Variants in PDHA1 observed in about 807,000 individuals in gnomAD.
The protein encoded by PDHA1 is pyruvate dehydrogenase E1 component subunit alpha, somatic form, mitochondrial.
Under a neutral mutation model 33.0 loss-of-function variants are expected in PDHA1, and 1 was observed. The observed-to-expected ratio is 0.03, with a 90% CI of 0.01 to 0.14. The LOEUF (loss-of-function observed/expected upper bound fraction) is 0.14, where lower values mean the gene tolerates loss of function less well. Ranked by LOEUF, PDHA1 falls within the 10% of genes least tolerant of loss-of-function variation. The probability of loss-of-function intolerance (pLI) is 1.00; values close to 1 mark genes in which losing one functional copy is unlikely to be tolerated. For missense variants in PDHA1, 168 were observed against 325.1 expected (o/e 0.52, Z 3.72); for synonymous variants, 123 against 119.2 (o/e 1.03, Z -0.21).
Position 19,343,966 on chromosome X carries a change from G to C in PDHA1, c.-72G>C. On this transcript the variant is annotated 5_prime_UTR_variant, in exon 1 of 11. Coordinates refer to ENST00000422285, the MANE Select transcript of PDHA1 (RefSeq NM_000284.4). ...GTGGCGTCTGCTGGGGCACCTGAAG[G>C]AGACTTGGGGGCACCCGCGTCGTGC... 1 of 1,002,093 alleles carries C rather than the reference G, an allele frequency of 1.0e-6. No homozygotes were observed. Among genetic ancestry groups the C allele is most frequent in the Non-Finnish European group, 1.4e-6 (1 of 710,911 alleles). 82.6% of individuals were successfully genotyped at this position (1,002,093 alleles called of 1,213,427 possible).
chrX:19,351,998 C>T (rs1280902149), intron 4 of PDHA1, among the ~76,000 whole-genome samples: 1 of 109,452 alleles, frequency 9.1e-6, no homozygotes, highest in Non-Finnish European at 1.9e-5. Flanking sequence ...GGGGTTTCAA[C>T]ATGTTGGCCA....
chrX:19,361,486 A>G lies in PDHA1; in HGVS notation c.*1833A>G. On this transcript the variant is annotated 3_prime_UTR_variant, in exon 11 of 11. Transcript: ENST00000422285. Reference sequence around the variant, plus strand: ...ACAGCATAAGAATTTCTTTGTTGTAAATTTACCTTTTCAATTGTCTTTGCA... The same window carrying G: ...ACAGCATAAGAATTTCTTTGTTGTAGATTTACCTTTTCAATTGTCTTTGCA... The G allele has an allele frequency of 8.3e-7, 1 of 1,206,480 alleles. No homozygotes were observed. The highest frequency in any genetic ancestry group is 1.1e-6 in the Non-Finnish European group (1 of 890,861).
At chrX:19,356,710 C>CCAAA (rs1219111114) in intron 8 of PDHA1, among the ~76,000 whole-genome samples, 2 of 88,517 alleles carry the variant, frequency 2.3e-5, no homozygotes, top group Non-Finnish European at 3.8e-5. Flanking sequence ...TGTGACTTTC[C>CCAAA]CAAACAGATA....
At position 19,361,448 on chromosome X, in the gene PDHA1, C is replaced by T. The variant is rs374494282; in HGVS notation, c.*1795C>T. ...AAAGATCAGATCCTTAAGAGCTGAG[C>T]AGCTGTGTAACAACAGCATAAGAAT... On this transcript the variant is annotated 3_prime_UTR_variant, in exon 11 of 11. Transcript: ENST00000422285. 21 of 1,185,169 alleles carry T rather than the reference C, an allele frequency of 1.8e-5. No individual in the cohort carries two copies. The South Asian group carries it at 2.5e-4, about 14-fold the overall frequency.
chrX:19,360,629 T>C lies in PDHA1; in HGVS notation c.*976T>C. 1 of 529,040 alleles carries C rather than the reference T, an allele frequency of 1.9e-6. No homozygotes were observed. The allele number at this position is 529,040 out of a possible 1,213,427, so 43.6% of individuals were successfully genotyped here. A position where few individuals can be genotyped will look rare whatever the true frequency, so the allele number is the denominator to read the frequency against. On this transcript the variant is annotated 3_prime_UTR_variant, in exon 11 of 11. Coordinates refer to ENST00000422285, the MANE Select transcript of PDHA1 (RefSeq NM_000284.4). ...TATTTAAAACAAGTTCTTAAACTAT[T>C]AATTGAACAATGGCATTTTTAAATA...
intron 9 of PDHA1, 128 bp from the exon 10 acceptor site, chrX:19,358,784 CTTTG>C (rs2063227549): frequency 2.0e-6 from 1 of 510,390 alleles, no homozygotes; most frequent in African/African-American, 2.3e-5. Flanking sequence ...TGGTATGCCC[CTTTG>C]TTTCAGAAAC....
Position 19,360,649 on chromosome X carries a change from T to A in PDHA1, c.*996T>A. ...ACTATTAATTGAACAATGGCATTTT[T>A]AAATATGTAAACACAGCGGAATTCG... On this transcript the variant is annotated 3_prime_UTR_variant, in exon 11 of 11. Transcript: ENST00000422285. The A allele has an allele frequency of 1.6e-6, 1 of 619,335 alleles. No individual in the cohort carries two copies. 51.0% of individuals were successfully genotyped at this position (619,335 alleles called of 1,213,427 possible).
At chrX:19,358,531 C>T (rs1270496602) in intron 9 of PDHA1, among the ~76,000 whole-genome samples, 2 of 111,449 alleles carry the variant, frequency 1.8e-5, no homozygotes, top group Non-Finnish European at 1.9e-5. Flanking sequence ...GCTGTCCCCA[C>T]CCATGTAGTA....
chrX:19,360,606 T>C lies in PDHA1; in HGVS notation c.*953T>C. 2.1e-6 allele frequency: 1 copy of C among 473,376 alleles called. No individual in the cohort carries two copies. The highest frequency in any genetic ancestry group is 3.6e-6 in the Non-Finnish European group (1 of 277,086). 39.0% of individuals were successfully genotyped at this position (473,376 alleles called of 1,213,427 possible). ...GTTTCAAAAGAAACTCAGGACAGTA[T>C]TTAAAACAAGTTCTTAAACTATTAA... On this transcript the variant is annotated 3_prime_UTR_variant, in exon 11 of 11. Coordinates refer to ENST00000422285, the MANE Select transcript of PDHA1 (RefSeq NM_000284.4).
intron 1 of PDHA1, chrX:19,346,412 C>A: frequency 3.0e-6 from 1 of 330,294 alleles, no homozygotes; most frequent in Non-Finnish European, 5.4e-6. Flanking sequence ...GCCTGCTGGG[C>A]TCAAGCGATC....
chrX:19,357,213 T>C (rs1002885901), intron 8 of PDHA1, among the ~76,000 whole-genome samples: 1 of 111,775 alleles, frequency 8.9e-6, no homozygotes. Flanking sequence ...AATCAGGTGA[T>C]CCTCCCAAGT....
At position 19,344,054 on chromosome X, in the gene PDHA1, C is replaced by T. The variant is rs764498937; in HGVS notation, c.17C>T (p.Ala6Val). 4 of 1,206,414 alleles carry T rather than the reference C, an allele frequency of 3.3e-6. No individual in the cohort carries two copies. In the African/African-American group the frequency reaches 7.0e-5, roughly 21 times the overall value. The change falls in exon 1 of 11, where the codon GCC (alanine) becomes GTC (valine). Residue 6 changes from alanine to valine, a missense_variant. This residue lies in a region of PDHA1 where 46 missense variants were observed against 47.4 expected (regional missense o/e 0.97). Coordinates refer to ENST00000422285, the MANE Select transcript of PDHA1 (RefSeq NM_000284.4). ...CTGTGCTTCATGAGGAAGATGCTCG[C>T]CGCCGTCTCCCGCGTGCTGTCTGGC... is the stretch of plus-strand genomic sequence containing the variant. MRKML[A>V]AVSRVLSGAS...
At chrX:19,350,364 C>G (rs1185123728) in intron 3 of PDHA1, among the ~76,000 whole-genome samples, 1 of 111,808 alleles carries the variant, frequency 8.9e-6, no homozygotes, top group East Asian at 2.8e-4. Flanking sequence ...CCACTGGGCT[C>G]AAGCAATCCT....
At chrX:19,355,321 T>A (rs1176371156) in intron 6 of PDHA1, 28 bp from the exon 7 acceptor site, 8 of 1,208,009 alleles carry the variant, frequency 6.6e-6, no homozygotes, top group Non-Finnish European at 9.0e-6. Flanking sequence ...AGAAGCCAAA[T>A]GAAACCCCTT....
At chrX:19,345,723 T>C in intron 1 of PDHA1, 1 of 287,392 alleles carries the variant, frequency 3.5e-6, no homozygotes, top group Non-Finnish European at 6.6e-6. Flanking sequence ...AGGTTCATTG[T>C]TTCCTGTATC....
At chrX:19,352,225 CTTTTTT>C (rs1237519823) in intron 4 of PDHA1, among the ~76,000 whole-genome samples, 1 of 86,263 alleles carries the variant, frequency 1.2e-5, no homozygotes, top group Non-Finnish European at 2.2e-5. Context: ...CCTCCTCCTC[CTTTTTT>C]TTTTTTTTTT....
At chrX:19,357,316 G>C (rs1016289168) in intron 8 of PDHA1, 1 of 272,690 alleles carries the variant, frequency 3.7e-6, no homozygotes, top group African/African-American at 2.8e-5. Context: ...GGCTAGTCTC[G>C]AACTCCTGGG....
At chrX:19,346,478 C>A (rs1429363146) in intron 1 of PDHA1, 7 of 425,082 alleles carry the variant, frequency 1.6e-5, no homozygotes, top group Non-Finnish European at 2.9e-5. Flanking sequence ...ACCACCACAC[C>A]CAGCCAATTA....
intron 9 of PDHA1, among the ~76,000 whole-genome samples, chrX:19,358,407 T>G (rs999334508): frequency 9.0e-6 from 1 of 111,675 alleles, no homozygotes; most frequent in Non-Finnish European, 1.9e-5. Flanking sequence ...GATACATTGG[T>G]TTTGCTGGCT....
Sources: allele counts gnomAD v4.1 joint callset (sites outside exome capture counted in the v4.1 genomes callset), GRCh38; gene constraint gnomAD v4.1.1; regional missense constraint gnomAD v4.1.1; transcripts MANE v1.5; gene names NCBI Gene and HGNC (gene_info 2026-07-23, HGNC 2026-07-21).